Variants in DLGAP2 observed in about 807,000 individuals in gnomAD.
DLGAP2 encodes disks large-associated protein 2.
Under a neutral mutation model 100.3 loss-of-function variants are expected in DLGAP2, and 26 were observed. The ratio of observed to expected loss-of-function variants is 0.26; its 90% CI spans 0.19 to 0.36. DLGAP2 has a LOEUF of 0.36. DLGAP2 is among the 10% of genes least tolerant of loss of function. The pLI is 1.00. For missense variants in DLGAP2, 1,858 were observed against 1,453.2 expected (o/e 1.28, Z -4.53); for synonymous variants, 886 against 630.1 (o/e 1.41, Z -6.08).
intron 2 of DLGAP2, among the ~76,000 whole-genome samples, chr8:1,010,470 A>G (rs551726844): frequency 2.0e-5 from 3 of 152,222 alleles, no homozygotes; most frequent in East Asian, 3.9e-4. Flanking sequence ...GTGTGCACAC[A>G]TGTGCACTCT....
rs531032525 is a variant in DLGAP2 at position 740,672 on chromosome 8, G to C, written c.18+2847G>C. Among the ~76,000 whole-genome samples the C allele has an allele frequency of 2.0e-4, 31 of 152,246 alleles. No individual in the cohort carries two copies. The South Asian group carries it at 6.2e-3, about 31-fold the overall frequency. The stretch of plus-strand genomic sequence containing the variant: ...TCTAATATCTTTTTAAGGGTGAGAG[G>C]ATTTTGTTTTGTTTTATTTTGAAGA... On this transcript the variant is annotated intron_variant, in intron 1 of 14. Coordinates refer to ENST00000637795, the MANE Select transcript of DLGAP2 (RefSeq NM_001346810.2).
At chr8:1,156,501 C>T (rs1253796630) in intron 2 of DLGAP2, among the ~76,000 whole-genome samples, 2 of 152,014 alleles carry the variant, frequency 1.3e-5, no homozygotes, top group Admixed American at 1.3e-4. Context: ...CAACCCGTCA[C>T]ACAAGAAGTC....
In DLGAP2 at chr8:1,315,665, A is replaced by G. The variant is rs370336441; in HGVS notation, c.106+56782A>G. ...TGTGCAAGTACAGCGTCTCTCCAAC[A>G]GTGGTCTACACTCGAGAAACTCGGC... On this transcript the variant is annotated intron_variant, in intron 3 of 14. Coordinates refer to ENST00000637795, the MANE Select transcript of DLGAP2 (RefSeq NM_001346810.2). 5.3e-3 allele frequency among the ~76,000 whole-genome samples: 503 copies of G among 94,656 alleles called. 1 individual carries two copies. The highest frequency in any genetic ancestry group is 0.011 in the African/African-American group (258 of 23,016). 62.1% of individuals were successfully genotyped at this position (94,656 alleles called of 152,430 possible).
At chr8:1,194,223 C>G (rs538548302) in intron 2 of DLGAP2, among the ~76,000 whole-genome samples, 1 of 152,204 alleles carries the variant, frequency 6.6e-6, no homozygotes, top group Non-Finnish European at 1.5e-5. Flanking sequence ...CAGCCCGACT[C>G]AGGAGGAGCT....
At chr8:1,103,990 C>G (rs979088400) in intron 2 of DLGAP2, among the ~76,000 whole-genome samples, 6 of 152,224 alleles carry the variant, frequency 3.9e-5, no homozygotes, top group African/African-American at 1.4e-4. Flanking sequence ...TTCTGGGCCC[C>G]TGCATCAGGT....
At chr8:1,545,601 C>T (rs1801508470) in intron 4 of DLGAP2, among the ~76,000 whole-genome samples, 1 of 152,164 alleles carries the variant, frequency 6.6e-6, no homozygotes, top group African/African-American at 2.4e-5. Context: ...ATTGTGCACA[C>T]CTAAAAAACC....
chr8:1,051,412 C>G (rs1266353251), intron 2 of DLGAP2, among the ~76,000 whole-genome samples: 3 of 152,040 alleles, frequency 2.0e-5, no homozygotes, highest in Non-Finnish European at 2.9e-5. Context: ...GCTGTTTACC[C>G]TCAGATGCAA....
intron 6 of DLGAP2, among the ~76,000 whole-genome samples, chr8:1,618,981 A>T (rs1221466702): frequency 6.6e-6 from 1 of 152,196 alleles, no homozygotes; most frequent in East Asian, 1.9e-4. Context: ...ACTCAAATAG[A>T]CAAAATAGAT....
chr8:1,549,811 C>T (rs995459897), intron 5 of DLGAP2, 128 bp downstream of exon 5: 9 of 1,072,586 alleles, frequency 8.4e-6, no homozygotes, highest in East Asian at 2.6e-5. Context: ...TTCTGAGCTA[C>T]GGATATGTTC....
intron 3 of DLGAP2, among the ~76,000 whole-genome samples, chr8:1,265,018 C>T (rs1428305137): frequency 6.6e-6 from 1 of 152,174 alleles, no homozygotes; most frequent in African/African-American, 2.4e-5. Context: ...GAGGGCTCCC[C>T]AGCCAAGTGG....
chr8:1,209,278 A>G (rs1798057433), intron 2 of DLGAP2, among the ~76,000 whole-genome samples: 1 of 152,244 alleles, frequency 6.6e-6, no homozygotes, highest in Admixed American at 6.5e-5. Context: ...TCACCAAAAC[A>G]GCATGGTACT....
At chr8:1,337,397 T>TGAC in intron 3 of DLGAP2, among the ~76,000 whole-genome samples, 1 of 938 alleles carries the variant, frequency 1.1e-3, no homozygotes, top group Non-Finnish European at 2.3e-3. Flanking sequence ...GTGAGGATGA[T>TGAC]GGTGATGATG....
chr8:1,568,502 C>G (rs1293369702), intron 6 of DLGAP2, among the ~76,000 whole-genome samples: 3 of 149,192 alleles, frequency 2.0e-5, no homozygotes, highest in Admixed American at 2.0e-4. Flanking sequence ...CCCGTGGCCC[C>G]CATGCCACTG....
At chr8:1,330,540 C>T (rs534240259) in intron 3 of DLGAP2, among the ~76,000 whole-genome samples, 1 of 135,328 alleles carries the variant, frequency 7.4e-6, no homozygotes, top group Non-Finnish European at 1.6e-5. Flanking sequence ...GGACTGAGTT[C>T]TGGGTGGGAG....
chr8:1,271,108 C>T (rs1799573952), intron 3 of DLGAP2, among the ~76,000 whole-genome samples: 3 of 152,050 alleles, frequency 2.0e-5, no homozygotes, highest in Non-Finnish European at 4.4e-5. Context: ...GGCAAACTAA[C>T]CATTACCAAA....
chr8:1,136,429 G>A (rs1796414374), intron 2 of DLGAP2, among the ~76,000 whole-genome samples: 1 of 152,218 alleles, frequency 6.6e-6, no homozygotes, highest in Non-Finnish European at 1.5e-5. Context: ...AGCAGATCTG[G>A]ACAGCTCTCT....
At chr8:1,007,315 A>G (rs6990049) in intron 2 of DLGAP2, among the ~76,000 whole-genome samples, 115,945 of 152,168 alleles carry the variant, frequency 0.76, 44,480 homozygotes, top group African/African-American at 0.78. Context: ...GGACCTGGCC[A>G]GCCGCTCTCA....
chr8:777,415 C>T (rs1321538458), intron 1 of DLGAP2, among the ~76,000 whole-genome samples: 3 of 151,690 alleles, frequency 2.0e-5, no homozygotes, highest in African/African-American at 4.9e-5. Context: ...GTTTATTTTG[C>T]TCGTTAGTTG....
rs1802387442 is a variant in DLGAP2, at chr8:1,566,026, C to T, written c.1442+132C>T. The T allele has an allele frequency of 4.8e-6, 3 of 625,084 alleles. No homozygotes were observed. The East Asian group carries it at 9.8e-5, about 20-fold the overall frequency. The allele number at this position is 625,084 out of a possible 1,614,324, so 38.7% of individuals were successfully genotyped here. A position where few individuals can be genotyped will look rare whatever the true frequency, so the allele number is the denominator to read the frequency against. On this transcript the variant is annotated intron_variant, in intron 6 of 14. Coordinates refer to ENST00000637795, the MANE Select transcript of DLGAP2 (RefSeq NM_001346810.2). Reference sequence around the variant, plus strand: ...ATTGCCAAGCTGAAAATATTAGACCCATGGCTGTCAATTTTCAAGTATTTT... The same window carrying T: ...ATTGCCAAGCTGAAAATATTAGACCTATGGCTGTCAATTTTCAAGTATTTT...
Sources: gnomAD v4.1 joint callset for allele counts (sites outside exome capture counted in the v4.1 genomes callset) on GRCh38, gnomAD v4.1.1 for gene constraint, MANE v1.5 for transcripts, NCBI Gene and HGNC (gene_info 2026-07-23, HGNC 2026-07-21) for gene names.